DPYSL4: variants seen among roughly 807,000 people sequenced by gnomAD.
DPYSL4 encodes the protein dihydropyrimidinase like 4, also known as dihydropyrimidinase-related protein 4.
In DPYSL4, 43 loss-of-function variants were observed where a neutral mutation model predicts 63.4. The ratio of observed to expected loss-of-function variants is 0.68; its 90% CI spans 0.53 to 0.88. DPYSL4 has a LOEUF of 0.88. Among genes scored for constraint, DPYSL4 ranks in the 40% least tolerant of loss-of-function variants. The pLI is 0.00. For synonymous variants in DPYSL4, 353 were observed against 331.7 expected (o/e 1.06, Z -0.70); for missense variants, 733 against 819.5 (o/e 0.89, Z 1.29).
chr10:132,190,009 C>G (rs192159056), intron 1 of DPYSL4, among the ~76,000 whole-genome samples: 1 of 152,234 alleles, frequency 6.6e-6, no homozygotes, highest in Non-Finnish European at 1.5e-5. Flanking sequence ...TTTCCTGCCC[C>G]AAGGCCAGGC....
chr10:132,192,617 C>A lies in DPYSL4; in HGVS notation c.129-41C>A, dbSNP rs768534859. The A allele has an allele frequency of 2.4e-5, 38 of 1,556,574 alleles. 1 individual carries two copies. The highest frequency in any genetic ancestry group is 2.6e-6 in the Non-Finnish European group (3 of 1,150,464). On this transcript the variant is annotated intron_variant, in intron 2 of 13. Transcript: ENST00000338492. ...TGCTGGGAGCCCATCTGGGCTCTGA[C>A]CTGGGCTCCCTGTAACCAGTGAAAT...
In DPYSL4 at chr10:132,203,921, C is replaced by G; in HGVS notation, c.1621C>G (p.Leu541Val). 6.3e-7 allele frequency: 1 copy of G among 1,599,294 alleles called. No individual in the cohort carries two copies. The highest frequency in any genetic ancestry group is 8.6e-7 in the Non-Finnish European group (1 of 1,168,824). ...CAACCTACATCAGTCGGGGTTCAGC[C>G]TATCTGGTGAGTTGGGCCTGGGGCA... ...VRNLHQSGFS[L>V]SGSQADDHIA... Residue 541 changes from leucine (L) to valine (V), a missense_variant, in exon 13 of 14, where the codon CTA (leucine) becomes GTA (valine). By Grantham distance (32) the Leu-to-Val change is conservative (BLOSUM62 1). Coordinates refer to ENST00000338492, the MANE Select transcript of DPYSL4 (RefSeq NM_006426.3).
intron 2 of DPYSL4, 115 bp downstream of exon 2, chr10:132,190,950 G>C (rs2061866321): frequency 9.7e-7 from 1 of 1,028,856 alleles, no homozygotes; most frequent in African/African-American, 1.6e-5. Context: ...CTGGTCACGT[G>C]GTATCCAGGC....
At chr10:132,187,252 G>T (rs1251839229) in intron 1 of DPYSL4, 150 bp downstream of exon 1, 1 of 533,944 alleles carries the variant, frequency 1.9e-6, no homozygotes, top group Non-Finnish European at 3.2e-6. Context: ...TTCCCTGCTC[G>T]GCTCCTTCGC....
At chr10:132,193,231 A>G (rs533920961) in intron 3 of DPYSL4, among the ~76,000 whole-genome samples, 1 of 152,352 alleles carries the variant, frequency 6.6e-6, no homozygotes, top group South Asian at 2.1e-4. Context: ...CGGAAGCTTC[A>G]TATCTGGAAG....
intron 4 of DPYSL4, among the ~76,000 whole-genome samples, chr10:132,196,538 C>T (rs565642626): frequency 3.3e-4 from 51 of 152,244 alleles, no homozygotes; most frequent in Non-Finnish European, 6.3e-4. Context: ...CCAGGCACAG[C>T]GGCTCTTCCA....
chr10:132,198,350 G>A, intron 6 of DPYSL4, 65 bp from the exon 7 acceptor site: 1 of 1,513,348 alleles, frequency 6.6e-7, no homozygotes. Flanking sequence ...CCAGCCTTGG[G>A]CTTAGCATCC....
chr10:132,189,611 C>T (rs1438672588), intron 1 of DPYSL4, among the ~76,000 whole-genome samples: 1 of 152,180 alleles, frequency 6.6e-6, no homozygotes, highest in Non-Finnish European at 1.5e-5. Context: ...CATCTCTTCC[C>T]CATCACCCCC....
At chr10:132,194,283 C>T (rs1292009928) in intron 3 of DPYSL4, among the ~76,000 whole-genome samples, 2 of 152,250 alleles carry the variant, frequency 1.3e-5, no homozygotes, top group African/African-American at 4.8e-5. Flanking sequence ...CTGGCTGCAC[C>T]AGGAGAGGCC....
intron 1 of DPYSL4, among the ~76,000 whole-genome samples, chr10:132,187,345 TGCCCGGCCCTGCCGGGCCCTGCCGGGCCC>T (rs1565035086): frequency 1.6e-4 from 7 of 44,352 alleles, no homozygotes; most frequent in Non-Finnish European, 2.6e-4. Context: ...GGCCCGGCCC[TGCCCGGCCCTGCCGGGCCCTGCCGGGCCC>T]TGCCCGGCCT....
intron 1 of DPYSL4, 28 bp downstream of exon 1, chr10:132,187,130 C>A (rs772736372): frequency 5.9e-6 from 9 of 1,514,712 alleles, no homozygotes; most frequent in Non-Finnish European, 8.0e-6. Flanking sequence ...TCGCCCGGCG[C>A]CCCCTGCCCG....
At chr10:132,188,016 C>A (rs1419612413) in intron 1 of DPYSL4, among the ~76,000 whole-genome samples, 2 of 152,140 alleles carry the variant, frequency 1.3e-5, no homozygotes, top group Non-Finnish European at 2.9e-5. Context: ...GGCTCCACTC[C>A]CCCAGACTCT....
intron 1 of DPYSL4, among the ~76,000 whole-genome samples, chr10:132,188,605 C>T (rs1000486420): frequency 1.3e-5 from 2 of 152,236 alleles, no homozygotes; most frequent in African/African-American, 4.8e-5. Context: ...ACAGACAGCT[C>T]TGTAGACCAA....
At chr10:132,203,211 T>A (rs1178344799) in intron 12 of DPYSL4, among the ~76,000 whole-genome samples, 1 of 152,166 alleles carries the variant, frequency 6.6e-6, no homozygotes, top group Non-Finnish European at 1.5e-5. Flanking sequence ...TGGACAGACG[T>A]GCACGCTGAT....
chr10:132,194,764 G>C, intron 3 of DPYSL4, 81 bp from the exon 4 acceptor site: 1 of 1,547,358 alleles, frequency 6.5e-7, no homozygotes, highest in Non-Finnish European at 8.8e-7. Flanking sequence ...TTGGGAACAT[G>C]AAACAGAATC....
In DPYSL4 at chr10:132,202,112, A is replaced by G. The variant is rs375484202; in HGVS notation, c.1277A>G (p.Asn426Ser). The G allele has an allele frequency of 1.9e-5, 30 of 1,611,934 alleles. No individual in the cohort carries two copies. Among genetic ancestry groups the G allele is most frequent in the Admixed American group, 1.7e-5 (1 of 59,840 alleles). ...AAGATCATCTCTGCCAAGACCCACA[A>G]TCTGGTAAGAGAAGGCGGCTGTAAG... ...ATKIISAKTH[N>S]LNVEYNIFEG... The change falls in exon 11 of 14, where the codon AAT (asparagine) becomes AGT (serine). Residue 426 changes from asparagine to serine, a missense_variant. Physicochemically the swap from Asn to Ser is conservative, Grantham distance 46. Coordinates refer to ENST00000338492, the MANE Select transcript of DPYSL4 (RefSeq NM_006426.3).
chr10:132,187,111 G>T lies in DPYSL4; in HGVS notation c.39+9G>T. 2.7e-6 allele frequency: 4 copies of T among 1,499,000 alleles called. No homozygotes were observed. The highest frequency in any genetic ancestry group is 2.6e-5 in the East Asian group (1 of 38,354). The allele number at this position is 1,499,000 out of a possible 1,614,324, so 92.9% of individuals were successfully genotyped here. Reference sequence around the variant, plus strand: ...GCATCCCCCGGATCACGGTGAGCCCGGTCCCGCTTCGCCCGGCGCCCCCTG... The same window carrying T: ...GCATCCCCCGGATCACGGTGAGCCCTGTCCCGCTTCGCCCGGCGCCCCCTG... On this transcript the variant is annotated intron_variant, in intron 1 of 13. Coordinates refer to ENST00000338492, the MANE Select transcript of DPYSL4 (RefSeq NM_006426.3).
rs764493908 is a variant in DPYSL4 at position 132,192,761 on chromosome 10, A to G, written c.232A>G (p.Met78Val). The G allele has an allele frequency of 6.2e-7, 1 of 1,613,270 alleles. No individual in the cohort carries two copies. The highest frequency in any genetic ancestry group is 1.1e-5 in the South Asian group (1 of 91,082). Reference sequence around the variant, plus strand: ...CGTTGACGTCCACACAAGGCTGCAGATGCCTGTCCTGGGCATGACACCGGC... The same window carrying G: ...CGTTGACGTCCACACAAGGCTGCAGGTGCCTGTCCTGGGCATGACACCGGC... ...GGVDVHTRLQ[M>V]PVLGMTPADD... The change falls in exon 3 of 14, where the codon ATG becomes GTG. Residue 78 changes from methionine to valine, a missense_variant. Coordinates refer to ENST00000338492, the MANE Select transcript of DPYSL4 (RefSeq NM_006426.3).
In DPYSL4 at chr10:132,205,016, TC is replaced by T; in HGVS notation, c.*87del. ...GCACTCGCCCCCCTCCTTAGCATTTTCTTTTGTAGAAGTTTCTCGAAGGTGC... is the reference window on the plus strand; with the variant it reads ...GCACTCGCCCCCCTCCTTAGCATTTTTTTTGTAGAAGTTTCTCGAAGGTGC... On this transcript the variant is annotated 3_prime_UTR_variant, in exon 14 of 14. Transcript: ENST00000338492. The T allele has an allele frequency of 1.6e-5, 18 of 1,135,248 alleles. No homozygotes were observed. The South Asian group carries it at 2.2e-4, about 14-fold the overall frequency. The allele number at this position is 1,135,248 out of a possible 1,614,324, so 70.3% of individuals were successfully genotyped here. A position where few individuals can be genotyped will look rare whatever the true frequency, so the allele number is the denominator to read the frequency against.
Sources: gnomAD v4.1 joint callset for allele counts (sites outside exome capture counted in the v4.1 genomes callset) on GRCh38, gnomAD v4.1.1 for gene constraint, MANE v1.5 for transcripts, NCBI Gene and HGNC (gene_info 2026-07-23, HGNC 2026-07-21) for gene names.